Variants in ABHD2 observed in about 807,000 individuals in gnomAD.
ABHD2 encodes monoacylglycerol lipase ABHD2.
Under a neutral mutation model 48.1 loss-of-function variants are expected in ABHD2, and 20 were observed. The ratio of observed to expected loss-of-function variants is 0.42; its 90% CI spans 0.29 to 0.60. The LOEUF (loss-of-function observed/expected upper bound fraction) is 0.60. Among genes scored for constraint, ABHD2 ranks in the 20% least tolerant of loss-of-function variants. The pLI, the probability that ABHD2 is intolerant of heterozygous loss-of-function variation, is 0.24. For missense variants in ABHD2, 405 were observed against 550.9 expected (o/e 0.74, Z 2.65); for synonymous variants, 209 against 214.2 (o/e 0.98, Z 0.21).
intron 5 of ABHD2, among the ~76,000 whole-genome samples, chr15:89,159,996 G>T (rs1438983722): frequency 6.6e-6 from 1 of 152,086 alleles, no homozygotes; most frequent in Non-Finnish European, 1.5e-5. Context: ...ACCTTAAAAA[G>T]GTCAGAAATC....
chr15:89,193,920 CAAAAA>C (rs60255237), intron 10 of ABHD2, among the ~76,000 whole-genome samples: 4 of 103,380 alleles, frequency 3.9e-5, no homozygotes, highest in Non-Finnish European at 6.0e-5. Context: ...GACTCCGTCT[CAAAAA>C]AAAAAAAAAA....
chr15:89,068,196 GCACACACACA>G, the ABHD2 span, among the ~76,000 whole-genome samples: 3 of 149,690 alleles, frequency 2.0e-5, no homozygotes, highest in Non-Finnish European at 3.0e-5. Flanking sequence ...ATGTGCGCGT[GCACACACACA>G]CACACACACA....
In ABHD2 at chr15:89,155,521, C is replaced by T. The variant is rs769872239; in HGVS notation, c.525C>T (p.Arg175=). The T allele has an allele frequency of 1.1e-5, 18 of 1,613,124 alleles. No individual in the cohort carries two copies. Among genetic ancestry groups the T allele is most frequent in the African/African-American group, 2.7e-5 (2 of 74,924 alleles). Residue 175 remains arginine, a synonymous_variant, in exon 5 of 11, where the codon CGC becomes CGT. Transcript: ENST00000352732. This position sits in a 1 kb window ranked among gnomAD's most constrained non-coding sequence, Gnocchi z 4.9. ...CCAACATTGAATTGACCTCGCCACG[C>T]ATGTTCACCTATGGTAAGCATGGCT... ...ALPNIELTSP[R]MFTYGCTWEF...
the ABHD2 span, among the ~76,000 whole-genome samples, chr15:89,066,160 G>A: frequency 6.6e-6 from 1 of 152,126 alleles, no homozygotes; most frequent in African/African-American, 2.4e-5. Context: ...TAGATCTGCT[G>A]TAACAAAGTA....
intron 3 of ABHD2, chr15:89,136,167 G>A (rs1000786597): frequency 4.5e-6 from 1 of 222,542 alleles, no homozygotes; most frequent in Non-Finnish European, 9.1e-6. Flanking sequence ...GACCTTAGGT[G>A]ATCTACCCGC....
the ABHD2 span, among the ~76,000 whole-genome samples, chr15:89,074,793 C>G: frequency 1.2e-4 from 19 of 152,328 alleles, no homozygotes; most frequent in South Asian, 2.9e-3. Flanking sequence ...ACCAGCGTCT[C>G]AAGTCTACTT....
chr15:89,170,014 C>G (rs960094567), intron 5 of ABHD2, among the ~76,000 whole-genome samples: 1 of 149,284 alleles, frequency 6.7e-6, no homozygotes, highest in South Asian at 2.1e-4. Context: ...GGTGCCAGCC[C>G]CACTGTTTCA....
In ABHD2 at chr15:89,153,214, T is replaced by C. The variant is rs370514869; in HGVS notation, c.370+1362T>C. Among the ~76,000 whole-genome samples, 11 of 152,350 alleles carry C rather than the reference T, an allele frequency of 7.2e-5. No homozygotes were observed. In the South Asian group the frequency reaches 2.1e-3, roughly 29 times the overall value. ...GTAAATCCATCACGACTTCCTGCTT[T>C]AGTTCTTCGTGGTAGCTTCTACTCT... On this transcript the variant is annotated intron_variant, in intron 4 of 10. Transcript: ENST00000352732.
At chr15:89,178,342 T>C (rs1169059235) in intron 6 of ABHD2, among the ~76,000 whole-genome samples, 1 of 152,192 alleles carries the variant, frequency 6.6e-6, no homozygotes, top group African/African-American at 2.4e-5. Flanking sequence ...CCTTTTTTTT[T>C]CCTGCCAAGG....
At chr15:89,152,342 G>A (rs946817979) in intron 4 of ABHD2, among the ~76,000 whole-genome samples, 1 of 152,144 alleles carries the variant, frequency 6.6e-6, no homozygotes, top group Non-Finnish European at 1.5e-5. Flanking sequence ...GCCTCCCAAA[G>A]TGCTGGGATT....
At position 89,099,649 on chromosome 15, in the gene ABHD2, G is replaced by T. The variant is rs577882664; in HGVS notation, c.-107+11086G>T. Among the ~76,000 whole-genome samples, 41 of 151,580 alleles carry T rather than the reference G, an allele frequency of 2.7e-4. 2 individuals are homozygous for T. The South Asian group carries it at 8.6e-3, about 32-fold the overall frequency. ...ATAAATAAATAAAAGGCGGGGTGCA[G>T]TAGCTCATACCTGTAATCCCAGCAC... On this transcript the variant is annotated intron_variant, in intron 1 of 10. Coordinates refer to ENST00000352732, the MANE Select transcript of ABHD2 (RefSeq NM_152924.5).
chr15:89,129,088 G>GCT (rs2050179772), intron 3 of ABHD2, among the ~76,000 whole-genome samples: 2 of 152,168 alleles, frequency 1.3e-5, no homozygotes, highest in Admixed American at 1.3e-4. Context: ...AAGTTGTTTA[G>GCT]CTTGGGGCTT....
the ABHD2 span, among the ~76,000 whole-genome samples, chr15:89,051,937 A>T: frequency 6.6e-6 from 1 of 152,128 alleles, no homozygotes; most frequent in Admixed American, 6.6e-5. Flanking sequence ...AGAGAACAGG[A>T]CTCGTGAGAA....
intron 5 of ABHD2, among the ~76,000 whole-genome samples, chr15:89,169,451 A>G (rs1158917297): frequency 6.6e-6 from 1 of 152,216 alleles, no homozygotes; most frequent in Non-Finnish European, 1.5e-5. Flanking sequence ...ATCTGGCCTC[A>G]CAGATACAGT....
At chr15:89,143,358 C>T (rs1043327068) in intron 3 of ABHD2, among the ~76,000 whole-genome samples, 1 of 152,170 alleles carries the variant, frequency 6.6e-6, no homozygotes, top group Non-Finnish European at 1.5e-5. Flanking sequence ...ATATATTTAT[C>T]AACTAATTCA....
intron 3 of ABHD2, among the ~76,000 whole-genome samples, chr15:89,125,926 G>A (rs1191798275): frequency 1.3e-5 from 2 of 152,126 alleles, no homozygotes; most frequent in Non-Finnish European, 2.9e-5. Flanking sequence ...AGGAATTGCC[G>A]AAGCCTGAAA....
rs150079355 is a variant in ABHD2 at position 89,175,970 on chromosome 15, G to C, written c.697G>C (p.Val233Leu). 1.3e-5 allele frequency: 21 copies of C among 1,612,004 alleles called. No individual in the cohort carries two copies. The highest frequency in any genetic ancestry group is 1.7e-4 in the Middle Eastern group (1 of 5,872). Residue 233 changes from valine to leucine, a missense_variant, in exon 6 of 11, where the codon GTG becomes CTG. Val to Leu is a conservative substitution (Grantham distance 32). Coordinates refer to ENST00000352732, the MANE Select transcript of ABHD2 (RefSeq NM_152924.5). This position sits in a 1 kb window ranked among gnomAD's most constrained non-coding sequence, Gnocchi z 5.7. The stretch of plus-strand genomic sequence containing the variant: ...AGAGAAGGTCCTGTGCTGCGTCAGC[G>C]TGTGCCAGGGGTACAGTGCACTGAG... ...NQEKVLCCVSVCQGYSALRAQ... is the reference protein window; with the variant it reads ...NQEKVLCCVSLCQGYSALRAQ...
At position 89,201,781 on chromosome 15, in the gene ABHD2, T is replaced by A; in HGVS notation, c.*6358T>A. 2.7e-6 allele frequency: 4 copies of A among 1,482,864 alleles called. No individual in the cohort carries two copies. In the Admixed American group the frequency reaches 6.7e-5, roughly 25 times the overall value. The allele number at this position is 1,482,864 out of a possible 1,614,324, so 91.9% of individuals were successfully genotyped here. ...ACCAGGATCTGCTCGTGCTTCGCCG[T>A]GGCCCCGGAGGCAGACGCCATTGGA... On this transcript the variant is annotated 3_prime_UTR_variant, in exon 11 of 11. Coordinates refer to ENST00000352732, the MANE Select transcript of ABHD2 (RefSeq NM_152924.5).
rs1380794686 is a variant in ABHD2, at chr15:89,113,826, T to C, written c.-7+2T>C. The C allele has an allele frequency of 1.3e-5, 2 of 152,148 alleles. No individual in the cohort carries two copies. Among genetic ancestry groups the C allele is most frequent in the African/African-American group, 2.4e-5 (1 of 41,424 alleles). 9.4% of individuals were successfully genotyped at this position (152,148 alleles called of 1,614,324 possible). On this transcript the variant is annotated splice_donor_variant, in intron 2 of 10. Transcript: ENST00000352732. LOFTEE classifies it low-confidence loss of function (5UTR_SPLICE). Reference sequence around the variant, plus strand: ...CAGTGGGAAGAATAAGTAACATTGGTATGTATTGCTGAGACTCTTATTTTT... The same window carrying C: ...CAGTGGGAAGAATAAGTAACATTGGCATGTATTGCTGAGACTCTTATTTTT...
Sources: gnomAD v4.1 joint callset for allele counts (sites outside exome capture counted in the v4.1 genomes callset) on GRCh38, gnomAD v4.1.1 for gene constraint, Gnocchi (gnomAD v3.1) non-coding constraint, MANE v1.5 for transcripts, NCBI Gene and HGNC (gene_info 2026-07-23, HGNC 2026-07-21) for gene names.